The following RPP40 variants were observed in gnomAD, a reference collection of about 807,000 sequenced individuals.
RPP40 encodes ribonuclease P/MRP subunit p40.
RPP40 carries 30 observed loss-of-function variants against 42.5 expected under a neutral mutation model. The ratio of observed to expected loss-of-function variants is 0.71; its 90% CI spans 0.53 to 0.96. The LOEUF (loss-of-function observed/expected upper bound fraction) is 0.96. Ranked by LOEUF, RPP40 falls within the 40% of genes least tolerant of loss-of-function variation. The probability of loss-of-function intolerance (pLI) is 0.00; values close to 1 mark genes in which losing one functional copy is unlikely to be tolerated. For synonymous variants in RPP40, 173 were observed against 164.0 expected, an observed-to-expected ratio of 1.05 and a Z score of -0.42; for missense variants, 426 against 433.5, an observed-to-expected ratio of 0.98 and a Z score of 0.15.
intron 4 of RPP40, 95 bp downstream of exon 4, chr6:4,999,714 A>AT: frequency 2.7e-6 from 2 of 741,130 alleles, no homozygotes; most frequent in Non-Finnish European, 4.6e-6. Context: ...AAAAGGCCAC[A>AT]TTTTTTTGAA....
chr6:4,990,870 G>A (rs1345973110), downstream of RPP40, among the ~76,000 whole-genome samples: 1 of 152,028 alleles, frequency 6.6e-6, no homozygotes, highest in Non-Finnish European at 1.5e-5. Flanking sequence ...TCTTGGGTGA[G>A]CTTTGGTAAT....
At chr6:4,996,452 T>G in intron 5 of RPP40, 32 bp from the exon 6 acceptor site, 3 of 1,600,836 alleles carry the variant, frequency 1.9e-6, no homozygotes, top group Non-Finnish European at 2.6e-6. Context: ...GCCATTTGAA[T>G]CCATCTGACC....
chr6:5,004,030 C>T lies in RPP40; in HGVS notation c.-28G>A. 6.4e-7 allele frequency: 1 copy of T among 1,573,148 alleles called. No homozygotes were observed. The highest frequency in any genetic ancestry group is 2.3e-5 in the East Asian group (1 of 43,898). ...TCTCCTGGGTTCCTGGTCCTCCCGG[C>T]CTCCGCTGGCGGGGCACGCCCCGCC... On this transcript the variant is annotated 5_prime_UTR_variant, in exon 1 of 8. Transcript: ENST00000380051.
rs1037328884 is a variant in RPP40, at chr6:5,003,817, C to T, written c.123+63G>A. ...CGCCCCGCGAAGCCTAGCACTCTCC[C>T]CAAACCTCTCTCGCACGCGGGGACT... On this transcript the variant is annotated intron_variant, in intron 1 of 7. Coordinates refer to ENST00000380051, the MANE Select transcript of RPP40 (RefSeq NM_006638.4). 1.9e-4 allele frequency: 292 copies of T among 1,561,832 alleles called. 3 individuals are homozygous for T. The highest frequency in any genetic ancestry group is 1.0e-4 in the Non-Finnish European group (118 of 1,148,600).
At chr6:4,989,441 T>C in the RPP40 span, among the ~76,000 whole-genome samples, 1 of 78,828 alleles carries the variant, frequency 1.3e-5, no homozygotes, top group South Asian at 5.1e-4. Context: ...AATCAGTTTG[T>C]CATTTTACAC....
chr6:5,001,085 G>C (rs575113841), intron 2 of RPP40: 28 of 457,078 alleles, frequency 6.1e-5, no homozygotes, highest in African/African-American at 4.6e-4. Context: ...ACTCAGAACG[G>C]AACGTGACCT....
chr6:4,995,216 T>C lies in RPP40; in HGVS notation c.954A>G (p.Ala318=). 1 of 1,614,134 alleles carries C rather than the reference T, an allele frequency of 6.2e-7. No individual in the cohort carries two copies. Among genetic ancestry groups the C allele is most frequent in the Admixed American group, 1.7e-5 (1 of 60,020 alleles). Residue 318 remains alanine (A), a synonymous_variant, in exon 8 of 8, where the codon GCA becomes GCG. Transcript: ENST00000380051. The part of the protein sequence containing the change: ...PWVTLSVQGF[A]DSPVSWEKNE... Reference sequence around the variant, plus strand: ...TTTTTTCCCAAGAAACAGGGCTGTCTGCAAAGCCTTGAACGGACAGTGTAA... The same window carrying C: ...TTTTTTCCCAAGAAACAGGGCTGTCCGCAAAGCCTTGAACGGACAGTGTAA...
At chr6:4,995,870 C>A in intron 7 of RPP40, 81 bp downstream of exon 7, 1 of 1,414,040 alleles carries the variant, frequency 7.1e-7, no homozygotes, top group Non-Finnish European at 9.6e-7. Context: ...ATACCACCTC[C>A]CAAAATGAAA....
chr6:5,003,243 A>G (rs1759624080), intron 1 of RPP40, among the ~76,000 whole-genome samples: 1 of 143,802 alleles, frequency 7.0e-6, no homozygotes, highest in Admixed American at 7.2e-5. Context: ...GCTACACGGG[A>G]GGCTGAGGCA....
At chr6:4,990,683 G>A (rs1205202622), downstream of RPP40, among the ~76,000 whole-genome samples, 2 of 137,386 alleles carry the variant, frequency 1.5e-5, no homozygotes, top group African/African-American at 2.7e-5. Context: ...ATCTCGCTAT[G>A]TTGTCCAGTC....
In RPP40 at chr6:4,994,905, C is replaced by CT; in HGVS notation, c.*172_*173insA. ...CAACTATGAGCTATTCACTGGACAG[C>CT]AGGCCTTGCTGCCATCACAGATGGG... On this transcript the variant is annotated 3_prime_UTR_variant, in exon 8 of 8. Transcript: ENST00000380051. 1 of 612,744 alleles carries CT rather than the reference C, an allele frequency of 1.6e-6. No homozygotes were observed. The highest frequency in any genetic ancestry group is 2.0e-5 in the South Asian group (1 of 48,830). 38.0% of individuals were successfully genotyped at this position (612,744 alleles called of 1,614,324 possible).
chr6:5,000,187 G>T (rs1156988676), intron 3 of RPP40, among the ~76,000 whole-genome samples: 1 of 151,784 alleles, frequency 6.6e-6, no homozygotes, highest in Non-Finnish European at 1.5e-5. Flanking sequence ...TCATTCTTTT[G>T]AATATCTTCT....
chr6:4,998,108 C>T (rs1171725081), intron 5 of RPP40, among the ~76,000 whole-genome samples: 1 of 152,186 alleles, frequency 6.6e-6, no homozygotes, highest in Non-Finnish European at 1.5e-5. Context: ...CTAAAACAGA[C>T]CACCATGCTT....
downstream of RPP40, among the ~76,000 whole-genome samples, chr6:4,992,368 CA>C (rs56244686): frequency 0.6 from 64,668 of 108,120 alleles, 18,647 homozygotes; most frequent in East Asian, 0.75. Context: ...GGCTCTGTCT[CA>C]AAAAAAAAAA....
chr6:4,988,691 T>C, the RPP40 span, among the ~76,000 whole-genome samples: 1 of 152,238 alleles, frequency 6.6e-6, no homozygotes. Context: ...CAGTATTTCA[T>C]GGATCACAAT....
At chr6:5,000,938 A>ACAAGCATGCAGAAGAC (rs1561746777) in intron 2 of RPP40, among the ~76,000 whole-genome samples, 2 of 117,006 alleles carry the variant, frequency 1.7e-5, no homozygotes, top group African/African-American at 6.2e-5. Context: ...ATGCAGAAGA[A>ACAAGCATGCAGAAGAC]CAAGCATGCA....
intron 5 of RPP40, among the ~76,000 whole-genome samples, chr6:4,997,371 T>C (rs1388341885): frequency 2.0e-5 from 3 of 152,202 alleles, no homozygotes; most frequent in Non-Finnish European, 2.9e-5. Flanking sequence ...TCGCTGTCCC[T>C]TGGAGCTGGG....
chr6:5,003,596 G>C (rs1759651592), intron 1 of RPP40: 1 of 317,160 alleles, frequency 3.2e-6, no homozygotes, highest in Non-Finnish European at 5.8e-6. Flanking sequence ...TCCCAGTTCG[G>C]CGGGTTGACA....
chr6:4,997,504 T>A lies in RPP40; in HGVS notation c.560-1084A>T, dbSNP rs74508320. ...TGGCCTTGGACTGAGAATTATACCA[T>A]CTTCTTTCCTGATTCTCAGGCCTTC... On this transcript the variant is annotated intron_variant, in intron 5 of 7. Transcript: ENST00000380051. 4.8e-4 allele frequency among the ~76,000 whole-genome samples: 73 copies of A among 152,362 alleles called. No homozygotes were observed. In the East Asian group the frequency reaches 0.014, roughly 29 times the overall value.
Sources: gnomAD v4.1 joint callset for allele counts (sites outside exome capture counted in the v4.1 genomes callset) on GRCh38, gnomAD v4.1.1 for gene constraint, MANE v1.5 for transcripts, NCBI Gene and HGNC (gene_info 2026-07-23, HGNC 2026-07-21) for gene names.